The following MKI67 variants were observed in gnomAD, a reference collection of about 807,000 sequenced individuals.
The protein encoded by MKI67 is marker of proliferation Ki-67, also known as proliferation marker protein Ki-67.
Under a neutral mutation model 233.5 loss-of-function variants are expected in MKI67, and 152 were observed. That is an observed-to-expected ratio of 0.65 (90% confidence interval 0.57 to 0.74). The LOEUF (loss-of-function observed/expected upper bound fraction) is 0.74. Among genes scored for constraint, MKI67 ranks in the 30% least tolerant of loss-of-function variants. MKI67 has a pLI of 0.00. For missense variants in MKI67, 3,940 were observed against 3,885.2 expected (o/e 1.01, Z -0.37); for synonymous variants, 1,465 against 1,418.5 (o/e 1.03, Z -0.74).
Position 128,110,552 on chromosome 10 carries a change from T to C in MKI67, c.2261-19A>G. The C allele has an allele frequency of 6.5e-7, 1 of 1,532,602 alleles. No homozygotes were observed. 94.9% of individuals were successfully genotyped at this position (1,532,602 alleles called of 1,614,324 possible). ...GCTATTCCTGTTAAATGAAAATATT[T>C]GAAAAGTGATTGACATATTGCTAAC... On this transcript the variant is annotated intron_variant, in intron 11 of 14. Transcript: ENST00000368654.
Position 128,107,855 on chromosome 10 carries a change from T to C in MKI67, c.3985A>G (p.Ser1329Gly). Residue 1329 changes from serine (S) to glycine (G), a missense_variant, in exon 13 of 15, where the codon AGC becomes GGC. Transcript: ENST00000368654. ...TTAGGAGTTTGTGGCCGTCTCTTGC[T>C]GCCGGTTAAGTTCTCTGTCAGGTCC... ...KLDLTENLTG[S>G]KRRPQTPKEE... 5.0e-6 allele frequency: 8 copies of C among 1,613,286 alleles called. No homozygotes were observed. Among genetic ancestry groups the C allele is most frequent in the Non-Finnish European group, 6.8e-6 (8 of 1,179,866 alleles).
rs1421033551 is a variant in MKI67, at chr10:128,114,957, A to G, written c.1451T>C (p.Val484Ala). Residue 484 changes from valine to alanine, a missense_variant, in exon 7 of 15, where the codon GTT (valine) becomes GCT (alanine). Transcript: ENST00000368654. ...MCSGLPGLSS[V>A]DINNFGDSIN... ...GGAATCACCAAAGTTGTTGATATCAACTGAACTAAGACCAGGTAACCCAGA... is the reference window on the plus strand; with the variant it reads ...GGAATCACCAAAGTTGTTGATATCAGCTGAACTAAGACCAGGTAACCCAGA... 1 of 1,567,450 alleles carries G rather than the reference A, an allele frequency of 6.4e-7. No homozygotes were observed. The highest frequency in any genetic ancestry group is 2.3e-5 in the East Asian group (1 of 44,136).
At chr10:128,121,439 C>T (rs1479591291) in intron 4 of MKI67, among the ~76,000 whole-genome samples, 1 of 133,610 alleles carries the variant, frequency 7.5e-6, no homozygotes, top group East Asian at 2.1e-4. Flanking sequence ...ATAGTATATA[C>T]TGTATACAGT....
intron 4 of MKI67, among the ~76,000 whole-genome samples, chr10:128,122,547 T>C (rs1266416045): frequency 7.2e-5 from 11 of 152,174 alleles, no homozygotes; most frequent in Non-Finnish European, 1.5e-5. Flanking sequence ...TGTACCTTTT[T>C]CTCTGTGTAT....
chr10:128,109,401 T>G lies in MKI67; in HGVS notation c.2439A>C (p.Ala813=), dbSNP rs1297287394. ...ESFGGNVFFS[A]QNAAKQPSDK... Reference sequence around the variant, plus strand: ...CAGATGGCTGTTTTGCTGCATTCTGTGCACTGAAGAACACATTTCCTCCTG... The same window carrying G: ...CAGATGGCTGTTTTGCTGCATTCTGGGCACTGAAGAACACATTTCCTCCTG... Residue 813 remains alanine (A), a synonymous_variant, in exon 13 of 15, where the codon GCA becomes GCC. Coordinates refer to ENST00000368654, the MANE Select transcript of MKI67 (RefSeq NM_002417.5). 1 of 1,612,046 alleles carries G rather than the reference T, an allele frequency of 6.2e-7. No individual in the cohort carries two copies. The highest frequency in any genetic ancestry group is 1.1e-5 in the South Asian group (1 of 90,990).
intron 4 of MKI67, among the ~76,000 whole-genome samples, chr10:128,121,529 A>AG (rs1448363777): frequency 2.4e-4 from 4 of 16,540 alleles, no homozygotes; most frequent in Admixed American, 1.9e-3. Context: ...ATATAATATT[A>AG]TATATTATAT....
chr10:128,125,518 G>T lies in MKI67; in HGVS notation c.92+58C>A. ...AGCGCGTTTCTGGACTTTATTCTGT[G>T]ACTAAGGTATTTTCCTCTTTCTCAG... is the stretch of plus-strand genomic sequence containing the variant. On this transcript the variant is annotated intron_variant, in intron 2 of 14. Transcript: ENST00000368654. The surrounding 1 kb of genome is among the most constrained non-coding windows in gnomAD (Gnocchi z 5.3). 7.2e-7 allele frequency: 1 copy of T among 1,390,338 alleles called. No individual in the cohort carries two copies. The allele number at this position is 1,390,338 out of a possible 1,614,324, so 86.1% of individuals were successfully genotyped here. A position where few individuals can be genotyped will look rare whatever the true frequency, so the allele number is the denominator to read the frequency against.
chr10:128,105,164 G>A lies in MKI67; in HGVS notation c.6676C>T (p.Pro2226Ser). 1 of 1,613,650 alleles carries A rather than the reference G, an allele frequency of 6.2e-7. No individual in the cohort carries two copies. The highest frequency in any genetic ancestry group is 8.5e-7 in the Non-Finnish European group (1 of 1,179,934). The change falls in exon 13 of 15, where the codon CCA (proline) becomes TCA (serine). Residue 2226 changes from proline (P) to serine (S), a missense_variant. By Grantham distance (74) the Pro-to-Ser change is moderately conservative. Transcript: ENST00000368654. ...TTKIACRSPQ[P>S]DPVGTPTIFK... is the part of the protein sequence containing the mutation. ...ATTGTTGGGGTACCCACTGGGTCTGGTTGTGGAGATCTGCAGGCTATTTTG... is the reference window on the plus strand; with the variant it reads ...ATTGTTGGGGTACCCACTGGGTCTGATTGTGGAGATCTGCAGGCTATTTTG...
Position 128,104,168 on chromosome 10 carries a change from C to T in MKI67, c.7672G>A (p.Asp2558Asn). The T allele has an allele frequency of 6.2e-7, 1 of 1,614,098 alleles. No homozygotes were observed. Among genetic ancestry groups the T allele is most frequent in the Non-Finnish European group, 8.5e-7 (1 of 1,180,018 alleles). The part of the protein sequence containing the change: ...TRKEKARALE[D>N]LVDFKELFSA... ...AAGAGCTCTTTGAAGTCAACCAGGT[C>T]TTCTAGAGCACGGGCCTTTTCCTTA... Residue 2558 changes from aspartate to asparagine, a missense_variant, in exon 13 of 15, where the codon GAC (aspartate) becomes AAC (asparagine). Coordinates refer to ENST00000368654, the MANE Select transcript of MKI67 (RefSeq NM_002417.5).
At position 128,104,506 on chromosome 10, in the gene MKI67, T is replaced by C; in HGVS notation, c.7334A>G (p.Gln2445Arg). 6.2e-7 allele frequency: 1 copy of C among 1,614,188 alleles called. No individual in the cohort carries two copies. Among genetic ancestry groups the C allele is most frequent in the South Asian group, 1.1e-5 (1 of 91,080 alleles). The change falls in exon 13 of 15, where the codon CAG (glutamine) becomes CGG (arginine). Residue 2445 changes from glutamine (Q) to arginine (R), a missense_variant. By Grantham distance (43) the Gln-to-Arg change is conservative. Coordinates refer to ENST00000368654, the MANE Select transcript of MKI67 (RefSeq NM_002417.5). The part of the protein sequence containing the change: ...EDLVGFKELF[Q>R]TPGHTEESMT... Reference sequence around the variant, plus strand: ...TGATTCCTCAGTGTGACCTGGTGTCTGGAAGAGTTCTTTGAAGCCAACCAG... The same window carrying C: ...TGATTCCTCAGTGTGACCTGGTGTCCGGAAGAGTTCTTTGAAGCCAACCAG...
chr10:128,101,242 A>G lies in MKI67; in HGVS notation c.9705+16T>C, dbSNP rs1221681586. The G allele has an allele frequency of 6.3e-7, 1 of 1,595,688 alleles. No homozygotes were observed. The highest frequency in any genetic ancestry group is 8.6e-7 in the Non-Finnish European group (1 of 1,167,942). ...ATTCTGTGTCTTTTAAAACAGGGAA[A>G]CAGTAAATGGCTTACCTTCTTTGGA... is the stretch of plus-strand genomic sequence containing the variant. On this transcript the variant is annotated intron_variant, in intron 14 of 14. Coordinates refer to ENST00000368654, the MANE Select transcript of MKI67 (RefSeq NM_002417.5).
Position 128,109,424 on chromosome 10 carries a change from C to T in MKI67, c.2417-1G>A. 1 of 1,601,956 alleles carries T rather than the reference C, an allele frequency of 6.2e-7. No homozygotes were observed. The highest frequency in any genetic ancestry group is 8.5e-7 in the Non-Finnish European group (1 of 1,173,320). ...TGTGCACTGAAGAACACATTTCCTC[C>T]TGAAATAAAAACATACACAATAAAA... On this transcript the variant is annotated splice_acceptor_variant, in intron 12 of 14. Transcript: ENST00000368654. LOFTEE classifies it high-confidence loss of function.
chr10:128,121,539 T>A (rs28451205), intron 4 of MKI67, among the ~76,000 whole-genome samples: 4 of 80,782 alleles, frequency 5.0e-5, no homozygotes, highest in East Asian at 3.7e-4. Flanking sequence ...ATATATTATA[T>A]TATAATTATA....
Position 128,116,504 on chromosome 10 carries a change from G to A in MKI67, c.387C>T (p.Phe129=), listed in dbSNP as rs1852812687. ...EPARRVSRSS[F]SSDPDEKAQD... ...ACCACTACTCACCAGGGTCAGAAGA[G>A]AAGCTAGATCTTGAGACACGACGTG... Residue 129 remains phenylalanine, a synonymous_variant, in exon 6 of 15, where the codon TTC becomes TTT. Transcript: ENST00000368654. The A allele has an allele frequency of 6.2e-7, 1 of 1,613,992 alleles. No homozygotes were observed. Among genetic ancestry groups the A allele is most frequent in the Non-Finnish European group, 8.5e-7 (1 of 1,179,938 alleles).
Position 128,104,404 on chromosome 10 carries a change from T to G in MKI67, c.7436A>C (p.Lys2479Thr). 6.2e-7 allele frequency: 1 copy of G among 1,614,168 alleles called. No homozygotes were observed. The highest frequency in any genetic ancestry group is 1.3e-5 in the African/African-American group (1 of 75,048). The part of the protein sequence containing the change: ...PESFKTSRSS[K>T]QRLKIPLVKV... ...CACCAGGGGTATCTTGAGCCTTTGC[T>G]TGGAGCTTCTTGAGGTTTTGAATGA... Residue 2479 changes from lysine (K) to threonine (T), a missense_variant, in exon 13 of 15, where the codon AAG becomes ACG. Transcript: ENST00000368654.
Position 128,112,222 on chromosome 10 carries a change from T to C in MKI67, c.1880A>G (p.Lys627Arg), listed in dbSNP as rs779711027. The C allele has an allele frequency of 6.2e-7, 1 of 1,614,214 alleles. No homozygotes were observed. Among genetic ancestry groups the C allele is most frequent in the Non-Finnish European group, 8.5e-7 (1 of 1,180,014 alleles). The change falls in exon 9 of 15, where the codon AAG becomes AGG. Residue 627 changes from lysine to arginine, a missense_variant. Lys to Arg is a conservative substitution (Grantham distance 26, BLOSUM62 2). Coordinates refer to ENST00000368654, the MANE Select transcript of MKI67 (RefSeq NM_002417.5). ...TTGACTTCGGCTGATAGACACTCTCTTTGAAGGCAGGTTGCCACTCTTTCT... is the reference window on the plus strand; with the variant it reads ...TTGACTTCGGCTGATAGACACTCTCCTTGAAGGCAGGTTGCCACTCTTTCT... Reference protein sequence around the residue: ...GGRKSGNLPSKRVSISRSQHD... With the variant: ...GGRKSGNLPSRRVSISRSQHD...
chr10:128,111,424 T>A, intron 11 of MKI67: 1 of 493,170 alleles, frequency 2.0e-6, no homozygotes, highest in East Asian at 3.3e-5. Flanking sequence ...TTTCCACACC[T>A]ATTTCATGCA....
Position 128,125,492 on chromosome 10 carries a change from G to A in MKI67, c.92+84C>T, listed in dbSNP as rs1013588720. 7.6e-5 allele frequency: 80 copies of A among 1,056,904 alleles called. 1 individual carries two copies. Among genetic ancestry groups the A allele is most frequent in the Non-Finnish European group, 1.1e-4 (73 of 682,964 alleles). The allele number at this position is 1,056,904 out of a possible 1,614,324, so 65.5% of individuals were successfully genotyped here. The stretch of plus-strand genomic sequence containing the variant: ...AAAGTGACGGCAGGACCCAATCCTA[G>A]AGCGCGTTTCTGGACTTTATTCTGT... On this transcript the variant is annotated intron_variant, in intron 2 of 14. Transcript: ENST00000368654. The surrounding 1 kb of genome is among the most constrained non-coding windows in gnomAD (Gnocchi z 5.3).
intron 8 of MKI67, among the ~76,000 whole-genome samples, chr10:128,113,206 C>T (rs965385033): frequency 2.1e-5 from 3 of 141,766 alleles, no homozygotes; most frequent in Admixed American, 7.3e-5. Flanking sequence ...ACATCAAGGA[C>T]TCCCCCGACT....
Sources: allele counts gnomAD v4.1 joint callset (sites outside exome capture counted in the v4.1 genomes callset), GRCh38; gene constraint gnomAD v4.1.1; non-coding constraint Gnocchi (gnomAD v3.1); transcripts MANE v1.5; gene names NCBI Gene and HGNC (gene_info 2026-07-23, HGNC 2026-07-21).